PHACTR4: variants seen among roughly 807,000 people sequenced by gnomAD.
The protein encoded by PHACTR4 is protein phosphatase 1, regulatory subunit 124.
A neutral mutation model predicts 72.7 loss-of-function variants in PHACTR4; 51 were observed. The ratio of observed to expected loss-of-function variants is 0.70; its 90% CI spans 0.56 to 0.89. PHACTR4 has a LOEUF of 0.89. Ranked by LOEUF, PHACTR4 falls within the 40% of genes least tolerant of loss-of-function variation. The pLI, the probability that PHACTR4 is intolerant of heterozygous loss-of-function variation, is 0.00. For missense variants in PHACTR4, 731 were observed against 861.8 expected, an observed-to-expected ratio of 0.85 and a Z score of 1.90; for synonymous variants, 255 against 302.5, an observed-to-expected ratio of 0.84 and a Z score of 1.63.
intron 9 of PHACTR4, among the ~76,000 whole-genome samples, chr1:28,487,860 C>T (rs1460905619): frequency 6.6e-6 from 1 of 150,842 alleles, no homozygotes; most frequent in African/African-American, 2.4e-5. Flanking sequence ...CTCAGCCTCC[C>T]GAGTAGCTGG....
At chr1:28,452,237 G>A (rs1184637237) in intron 2 of PHACTR4, among the ~76,000 whole-genome samples, 2 of 152,138 alleles carry the variant, frequency 1.3e-5, no homozygotes, top group African/African-American at 4.8e-5. Flanking sequence ...CAGATGTGGT[G>A]GCTTTTGCCT....
chr1:28,475,313 A>G (rs1200029602), intron 7 of PHACTR4, among the ~76,000 whole-genome samples: 2 of 152,014 alleles, frequency 1.3e-5, no homozygotes, highest in Non-Finnish European at 2.9e-5. Flanking sequence ...GATGACACAA[A>G]ATTTACAAAA....
intron 4 of PHACTR4, among the ~76,000 whole-genome samples, chr1:28,462,477 C>T (rs998280346): frequency 4.6e-5 from 7 of 152,128 alleles, no homozygotes; most frequent in African/African-American, 1.7e-4. Flanking sequence ...AAGCAATTCT[C>T]CTTCCTCAGC....
At chr1:28,373,159 G>C (rs905021378) in intron 1 of PHACTR4, among the ~76,000 whole-genome samples, 3 of 152,028 alleles carry the variant, frequency 2.0e-5, no homozygotes, top group Admixed American at 1.3e-4. Context: ...AGGTCTCCCT[G>C]TGTTGCCCAG....
intron 1 of PHACTR4, among the ~76,000 whole-genome samples, chr1:28,388,059 C>T (rs1031715131): frequency 1.3e-4 from 19 of 151,748 alleles, no homozygotes; most frequent in African/African-American, 3.6e-4. Flanking sequence ...AGTATGGCAA[C>T]GTGGGCCTGT....
intron 2 of PHACTR4, among the ~76,000 whole-genome samples, chr1:28,423,339 G>T (rs932463670): frequency 6.6e-6 from 1 of 152,006 alleles, no homozygotes; most frequent in Non-Finnish European, 1.5e-5. Flanking sequence ...AGCCAGGGAG[G>T]TCGAGGCTGC....
intron 2 of PHACTR4, among the ~76,000 whole-genome samples, chr1:28,458,113 T>C (rs1275514136): frequency 1.1e-5 from 1 of 89,870 alleles, no homozygotes; most frequent in Non-Finnish European, 2.1e-5. Context: ...TGTGTTTGTG[T>C]GTGTGTGTGT....
chr1:28,489,773 G>A (rs1315540503), intron 10 of PHACTR4: 2 of 518,796 alleles, frequency 3.9e-6, no homozygotes, highest in African/African-American at 1.9e-5. Flanking sequence ...TGTTTTTCCA[G>A]AATATAGAGT....
At chr1:28,460,160 G>A (rs1658694268) in intron 3 of PHACTR4, 52 bp from the exon 4 acceptor site, 1 of 1,266,070 alleles carries the variant, frequency 7.9e-7, no homozygotes, top group Non-Finnish European at 1.2e-6. Context: ...TAAGTGTAAG[G>A]TTGACTTTCA....
At chr1:28,484,650 T>C (rs1244236080) in intron 9 of PHACTR4, among the ~76,000 whole-genome samples, 1 of 149,248 alleles carries the variant, frequency 6.7e-6, no homozygotes, top group Non-Finnish European at 1.5e-5. Flanking sequence ...AACTCTCTCT[T>C]TTTTTTTTTC....
chr1:28,485,283 A>C (rs1660561176), intron 9 of PHACTR4, among the ~76,000 whole-genome samples: 1 of 152,130 alleles, frequency 6.6e-6, no homozygotes, highest in Non-Finnish European at 1.5e-5. Flanking sequence ...ACTGTACAAC[A>C]TTGTGTTTAT....
chr1:28,424,878 C>G (rs1429011197), intron 2 of PHACTR4, among the ~76,000 whole-genome samples: 1 of 151,956 alleles, frequency 6.6e-6, no homozygotes, highest in East Asian at 1.9e-4. Flanking sequence ...ACTGCAACCT[C>G]TTCCTCCCAG....
intron 1 of PHACTR4, among the ~76,000 whole-genome samples, chr1:28,395,943 C>G (rs1268700151): frequency 6.9e-6 from 1 of 144,624 alleles, no homozygotes; most frequent in African/African-American, 2.7e-5. Context: ...GGATTACAGG[C>G]GTGAGCCACC....
At chr1:28,487,296 G>T (rs1660714628) in intron 9 of PHACTR4, among the ~76,000 whole-genome samples, 2 of 151,856 alleles carry the variant, frequency 1.3e-5, no homozygotes, top group African/African-American at 4.8e-5. Flanking sequence ...AACCTGGGAG[G>T]CGGAGGTTGC....
chr1:28,370,212 A>G (rs1054379283), intron 1 of PHACTR4, among the ~76,000 whole-genome samples: 3 of 152,096 alleles, frequency 2.0e-5, no homozygotes, highest in Admixed American at 6.6e-5. Context: ...GGTTACAGTA[A>G]CCGGATCGGG....
At chr1:28,478,197 C>T (rs1660044021) in intron 8 of PHACTR4, among the ~76,000 whole-genome samples, 1 of 152,212 alleles carries the variant, frequency 6.6e-6, no homozygotes, top group South Asian at 2.1e-4. Flanking sequence ...AATTGTCCTC[C>T]AGTTCCATCC....
Position 28,476,305 on chromosome 1 carries a change from G to A in PHACTR4, c.1606+14G>A, listed in dbSNP as rs1247216610. 6 of 1,572,056 alleles carry A rather than the reference G, an allele frequency of 3.8e-6. No individual in the cohort carries two copies. Among genetic ancestry groups the A allele is most frequent in the South Asian group, 2.4e-5 (2 of 83,846 alleles). ...AAAGCTATCAGAGTAAGAAAGGGAGGGAAAAGCAAAACAGAGAATTCTTTT... is the reference window on the plus strand; with the variant it reads ...AAAGCTATCAGAGTAAGAAAGGGAGAGAAAAGCAAAACAGAGAATTCTTTT... On this transcript the variant is annotated intron_variant, in intron 8 of 13. Transcript: ENST00000373839.
intron 2 of PHACTR4, among the ~76,000 whole-genome samples, chr1:28,438,780 A>G (rs1656801620): frequency 6.7e-6 from 1 of 149,444 alleles, no homozygotes; most frequent in Non-Finnish European, 1.5e-5. Flanking sequence ...GAATTCAGAG[A>G]TATTTTGTTA....
intron 10 of PHACTR4, 85 bp from the exon 11 acceptor site, chr1:28,490,866 A>G: frequency 7.5e-7 from 1 of 1,331,088 alleles, no homozygotes; most frequent in South Asian, 1.3e-5. Flanking sequence ...CAAAAAAGAA[A>G]TATCTGTAAT....
Sources: gnomAD v4.1 joint callset for allele counts (sites outside exome capture counted in the v4.1 genomes callset) on GRCh38, gnomAD v4.1.1 for gene constraint, MANE v1.5 for transcripts, NCBI Gene and HGNC (gene_info 2026-07-23, HGNC 2026-07-21) for gene names.